Variants in RFC1 observed in about 807,000 individuals in gnomAD.
RFC1 encodes replication factor C subunit 1.
In RFC1, 37 loss-of-function variants were observed where a neutral mutation model predicts 137.4. The ratio of observed to expected loss-of-function variants is 0.27; its 90% confidence interval spans 0.21 to 0.35. The LOEUF (loss-of-function observed/expected upper bound fraction) is 0.35, where lower values mean the gene tolerates loss of function less well. Among genes scored for constraint, RFC1 ranks in the 10% least tolerant of loss-of-function variants. RFC1 has a pLI of 1.00. For synonymous variants in RFC1, 429 were observed against 455.7 expected, an observed-to-expected ratio of 0.94 and a Z score of 0.75; for missense variants, 1,205 against 1,358.5, an observed-to-expected ratio of 0.89 and a Z score of 1.78.
Position 39,345,459 on chromosome 4 carries a change from T to C in RFC1, c.150A>G (p.Lys50=), listed in dbSNP as rs1212835310. 1.2e-6 allele frequency: 2 copies of C among 1,613,236 alleles called. No homozygotes were observed. Among genetic ancestry groups the C allele is most frequent in the East Asian group, 4.5e-5 (2 of 44,886 alleles). The change falls in exon 3 of 25, where the codon AAA becomes AAG. Residue 50 remains lysine, a synonymous_variant. Transcript: ENST00000349703. The part of the protein sequence containing the change: ...IKEIKVNSSR[K]EDDFKQKQPS... ...GTTGCTTTTGTTTGAAGTCATCCTC[T>C]TTACGGGAGCTATTTACCTATAAAC...
chr4:39,311,734 G>A (rs1205059547), intron 11 of RFC1, among the ~76,000 whole-genome samples, 185 bp from the exon 12 acceptor site: 1 of 152,152 alleles, frequency 6.6e-6, no homozygotes, highest in East Asian at 1.9e-4. Context: ...ACATTGAAAA[G>A]AAAGAAAATA....
At chr4:39,289,707 C>T (rs1239719528) in intron 24 of RFC1, 141 bp downstream of exon 24, 2 of 627,916 alleles carry the variant, frequency 3.2e-6, no homozygotes, top group African/African-American at 1.8e-5. Context: ...TCTACCTTCT[C>T]CACCCTCAAC....
At chr4:39,345,324 G>C (rs780985720) in intron 3 of RFC1, 77 bp downstream of exon 3, 2 of 1,286,414 alleles carry the variant, frequency 1.6e-6, no homozygotes, top group Non-Finnish European at 2.2e-6. Flanking sequence ...CCCATCCTTA[G>C]AACATAGTTT....
intron 4 of RFC1, among the ~76,000 whole-genome samples, chr4:39,340,696 C>A (rs1277199752): frequency 2.0e-5 from 3 of 151,822 alleles, no homozygotes; most frequent in East Asian, 3.9e-4. Flanking sequence ...TAGTCTCATT[C>A]TCTTGTATGA....
At chr4:39,366,127 G>C in intron 1 of RFC1, 112 bp downstream of exon 1, 2 of 1,226,172 alleles carry the variant, frequency 1.6e-6, no homozygotes, top group Non-Finnish European at 2.2e-6. Context: ...CTAGCCTCCG[G>C]AACCACCCAC....
In RFC1 at chr4:39,320,638, C is replaced by G. The variant is rs760932819; in HGVS notation, c.840G>C (p.Lys280Asn). ...VKTAQVSDER[K>N]SYSPRKQSKY... Reference sequence around the variant, plus strand: ...TACTTTGCTTCCTAGGACTGTAGCTCTTTCTTTCATCTGAAACTTGTGCTG... The same window carrying G: ...TACTTTGCTTCCTAGGACTGTAGCTGTTTCTTTCATCTGAAACTTGTGCTG... Residue 280 changes from lysine (K) to asparagine (N), a missense_variant, in exon 9 of 25, where the codon AAG becomes AAC. Transcript: ENST00000349703. The G allele has an allele frequency of 6.3e-7, 1 of 1,586,320 alleles. No individual in the cohort carries two copies. Among genetic ancestry groups the G allele is most frequent in the Non-Finnish European group, 8.5e-7 (1 of 1,172,132 alleles).
At chr4:39,334,596 CT>C (rs1409343978) in intron 4 of RFC1, among the ~76,000 whole-genome samples, 1 of 152,072 alleles carries the variant, frequency 6.6e-6, no homozygotes, top group African/African-American at 2.4e-5. Flanking sequence ...TTCTAATAAG[CT>C]TAAATTGGAT....
At chr4:39,306,513 G>T in intron 14 of RFC1, 79 bp downstream of exon 14, 1 of 752,672 alleles carries the variant, frequency 1.3e-6, no homozygotes, top group Non-Finnish European at 2.4e-6. Context: ...CACACGCACA[G>T]ATGTGGGTAC....
At chr4:39,307,939 C>T (rs1336994494) in intron 13 of RFC1, among the ~76,000 whole-genome samples, 1 of 152,128 alleles carries the variant, frequency 6.6e-6, no homozygotes, top group Non-Finnish European at 1.5e-5. Context: ...GAAAACACTA[C>T]TAAAACATTT....
At position 39,345,469 on chromosome 4, in the gene RFC1, C is replaced by G; in HGVS notation, c.140G>C (p.Ser47Thr). The G allele has an allele frequency of 6.2e-7, 1 of 1,611,364 alleles. No homozygotes were observed. The highest frequency in any genetic ancestry group is 8.5e-7 in the Non-Finnish European group (1 of 1,178,220). Residue 47 changes from serine to threonine, a missense_variant, in exon 3 of 25, where the codon AGC (serine) becomes ACC (threonine). By Grantham distance (58) the Ser-to-Thr change is moderately conservative. Around this residue, in one of 3 missense-constraint regions of RFC1, gnomAD observed 962 missense variants for 1,035.3 expected, o/e 0.93. Transcript: ENST00000349703. ...KKGIKEIKVNSSRKEDDFKQK... is the reference protein window; with the variant it reads ...KKGIKEIKVNTSRKEDDFKQK... ...TTTGAAGTCATCCTCTTTACGGGAGCTATTTACCTATAAACATCACAATAT... is the reference window on the plus strand; with the variant it reads ...TTTGAAGTCATCCTCTTTACGGGAGGTATTTACCTATAAACATCACAATAT...
intron 16 of RFC1, 63 bp downstream of exon 16, chr4:39,302,997 G>T (rs1738445527): frequency 6.7e-7 from 1 of 1,487,276 alleles, no homozygotes; most frequent in Admixed American, 1.7e-5. Context: ...ATGAGAGAAT[G>T]ACAATGTTCT....
At chr4:39,321,453 A>T in intron 7 of RFC1, 79 bp from the exon 8 acceptor site, 1 of 1,365,644 alleles carries the variant, frequency 7.3e-7, no homozygotes. Flanking sequence ...AAAATCCATC[A>T]AAATTTTAAG....
chr4:39,354,252 A>G (rs940193579), intron 1 of RFC1, among the ~76,000 whole-genome samples: 3 of 152,230 alleles, frequency 2.0e-5, no homozygotes, highest in African/African-American at 7.2e-5. Flanking sequence ...TTTTAGAACT[A>G]TCTCCAGTGT....
Position 39,354,137 on chromosome 4 carries a change from A to C in RFC1, c.4-2661T>G, listed in dbSNP as rs1011647623. On this transcript the variant is annotated intron_variant, in intron 1 of 24. Transcript: ENST00000349703. ...TCCCCCACACTCTGATGGCAACGTA[A>C]GAGTTAAAGAAATTGCAGCATCGTA... Among the ~76,000 whole-genome samples the C allele has an allele frequency of 1.1e-4, 17 of 152,218 alleles. 1 individual carries two copies. The highest frequency in any genetic ancestry group is 1.0e-3 in the Admixed American group (16 of 15,276).
At chr4:39,348,533 A>G (rs1277584010) in intron 2 of RFC1, among the ~76,000 whole-genome samples, 1 of 151,178 alleles carries the variant, frequency 6.6e-6, no homozygotes, top group Non-Finnish European at 1.5e-5. Context: ...ATCACTTGAT[A>G]AAGAGATTAT....
rs148725208 is a variant in RFC1, at chr4:39,308,647, T to A, written c.1874A>T (p.Asp625Val). Reference sequence around the variant, plus strand: ...GGTTGTAAAATCACCGTGTTTTTTATCTTCGGAAGAACTCTTTTGCCAGTT... The same window carrying A: ...GGTTGTAAAATCACCGTGTTTTTTAACTTCGGAAGAACTCTTTTGCCAGTT... ...LRNWQKSSSE[D>V]KKHAKFGKFS... The change falls in exon 13 of 25, where the codon GAT becomes GTT. Residue 625 changes from aspartate (D) to valine (V), a missense_variant. By Grantham distance (152) the Asp-to-Val change is radical. Around this residue, in one of 3 missense-constraint regions of RFC1, gnomAD observed 962 missense variants for 1,035.3 expected, o/e 0.93. Coordinates refer to ENST00000349703, the MANE Select transcript of RFC1 (RefSeq NM_002913.5). 4 of 1,608,738 alleles carry A rather than the reference T, an allele frequency of 2.5e-6. No individual in the cohort carries two copies. Among genetic ancestry groups the A allele is most frequent in the Non-Finnish European group, 3.4e-6 (4 of 1,176,418 alleles).
At chr4:39,359,505 G>C (rs915752273) in intron 1 of RFC1, among the ~76,000 whole-genome samples, 3 of 152,134 alleles carry the variant, frequency 2.0e-5, no homozygotes, top group Admixed American at 6.5e-5. Flanking sequence ...CCATAAGTGG[G>C]AGCTAAGCTA....
At chr4:39,366,155 C>G in intron 1 of RFC1, 84 bp downstream of exon 1, 1 of 1,452,304 alleles carries the variant, frequency 6.9e-7, no homozygotes, top group Non-Finnish European at 9.3e-7. Flanking sequence ...CTCCCCCACC[C>G]TGCATACCAG....
intron 19 of RFC1, 84 bp from the exon 20 acceptor site, chr4:39,300,498 A>G: frequency 1.0e-6 from 1 of 1,001,990 alleles, no homozygotes; most frequent in Non-Finnish European, 1.5e-6. Flanking sequence ...GATATGGAAC[A>G]AGAGGAATTC....
Sources: allele counts gnomAD v4.1 joint callset (sites outside exome capture counted in the v4.1 genomes callset), GRCh38; gene constraint gnomAD v4.1.1; regional missense constraint gnomAD v4.1.1; transcripts MANE v1.5; gene names NCBI Gene and HGNC (gene_info 2026-07-23, HGNC 2026-07-21).